The following VPS13D variants were observed in gnomAD, a reference collection of about 807,000 sequenced individuals.
VPS13D encodes vacuolar protein sorting 13 homolog D, also known as intermembrane lipid transfer protein VPS13D.
VPS13D carries 187 observed loss-of-function variants against 461.9 expected under a neutral mutation model. That is an observed-to-expected ratio of 0.40 (90% CI 0.36 to 0.46). The LOEUF (loss-of-function observed/expected upper bound fraction) is 0.46. Ranked by LOEUF, VPS13D falls within the 20% of genes least tolerant of loss-of-function variation. The pLI is 0.60. For missense variants in VPS13D, 4,711 were observed against 5,364.9 expected (o/e 0.88, Z 3.81); for synonymous variants, 1,951 against 1,986.3 (o/e 0.98, Z 0.47).
In VPS13D at chr1:12,244,583, C is replaced by T; in HGVS notation, c.413C>T (p.Ala138Val). The change falls in exon 5 of 70, where the codon GCC (alanine) becomes GTC (valine). Residue 138 changes from alanine (A) to valine (V), a missense_variant. Coordinates refer to ENST00000620676, the MANE Select transcript of VPS13D (RefSeq NM_015378.4). ...KGESYWYSVT[A>V]SVVTRIVENI... is the part of the protein sequence containing the mutation. Reference sequence around the variant, plus strand: ...GAGTCCTATTGGTATTCAGTTACCGCCTCCGTAGTTACAAGGATTGTGGAG... The same window carrying T: ...GAGTCCTATTGGTATTCAGTTACCGTCTCCGTAGTTACAAGGATTGTGGAG... 3.7e-6 allele frequency: 6 copies of T among 1,614,200 alleles called. No homozygotes were observed. Among genetic ancestry groups the T allele is most frequent in the Non-Finnish European group, 5.1e-6 (6 of 1,180,020 alleles).
intron 61 of VPS13D, 126 bp from the exon 62 acceptor site, chr1:12,401,482 T>G (rs1193654868): frequency 1.7e-6 from 1 of 588,236 alleles, no homozygotes; most frequent in Non-Finnish European, 2.9e-6. Context: ...CAGAAATAAT[T>G]TGGCATTATA....
chr1:12,355,273 C>T (rs933442077), intron 47 of VPS13D, among the ~76,000 whole-genome samples: 2 of 152,140 alleles, frequency 1.3e-5, no homozygotes, highest in East Asian at 1.9e-4. Flanking sequence ...TATAGAAGTA[C>T]GGAGTCCTCA....
chr1:12,410,303 G>A (rs113886265), intron 63 of VPS13D, among the ~76,000 whole-genome samples: 4 of 152,162 alleles, frequency 2.6e-5, no homozygotes, highest in East Asian at 3.8e-4. Flanking sequence ...ATTGGTTTTC[G>A]TTGAGACTGC....
At chr1:12,401,568 C>A in intron 61 of VPS13D, 40 bp from the exon 62 acceptor site, 1 of 1,496,634 alleles carries the variant, frequency 6.7e-7, no homozygotes, top group Non-Finnish European at 9.3e-7. Flanking sequence ...AATGTTCCTT[C>A]TGGTGTTCAC....
intron 67 of VPS13D, among the ~76,000 whole-genome samples, chr1:12,484,000 AAAAAAAAAAT>A (rs1645760831): frequency 6.6e-6 from 1 of 151,706 alleles, no homozygotes; most frequent in Admixed American, 6.6e-5. Context: ...CCCTCTCAAA[AAAAAAAAAAT>A]AAAAATAAGA....
In VPS13D at chr1:12,266,745, TTTTG is replaced by T. The variant is rs1038358971; in HGVS notation, c.1595-124_1595-121del. 25 of 859,964 alleles carry T rather than the reference TTTTG, an allele frequency of 2.9e-5. 1 individual carries two copies. The highest frequency in any genetic ancestry group is 1.0e-4 in the African/African-American group (6 of 57,890). 53.3% of individuals were successfully genotyped at this position (859,964 alleles called of 1,614,324 possible). On this transcript the variant is annotated intron_variant, in intron 13 of 69. Coordinates refer to ENST00000620676, the MANE Select transcript of VPS13D (RefSeq NM_015378.4). ...ATGTGCCTGTAGATAGATAGGGTTT[TTTTG>T]TTTGTTTGTTTAATTTCAAGGAAAA...
chr1:12,251,849 C>T (rs936109551), intron 6 of VPS13D, among the ~76,000 whole-genome samples: 1 of 152,138 alleles, frequency 6.6e-6, no homozygotes, highest in Non-Finnish European at 1.5e-5. Flanking sequence ...CCAGGGCAGC[C>T]CTAACACATT....
intron 53 of VPS13D, 65 bp from the exon 54 acceptor site, chr1:12,369,402 G>T: frequency 6.9e-7 from 1 of 1,454,570 alleles, no homozygotes; most frequent in South Asian, 1.2e-5. Flanking sequence ...ACAAAGCACT[G>T]ACTCACTTTT....
chr1:12,460,465 T>C (rs1645394839), intron 67 of VPS13D, 69 bp downstream of exon 67: 1 of 1,387,318 alleles, frequency 7.2e-7, no homozygotes, highest in Admixed American at 2.8e-5. Flanking sequence ...TAATCCATAC[T>C]GATGTGTTTA....
chr1:12,240,516 A>C (rs1195387359), intron 2 of VPS13D, among the ~76,000 whole-genome samples: 1 of 142,364 alleles, frequency 7.0e-6, no homozygotes, highest in Non-Finnish European at 1.5e-5. Flanking sequence ...AATCGCTTGA[A>C]CCCAGGAGGC....
chr1:12,311,979 CAT>C (rs1306870066), intron 29 of VPS13D, 54 bp downstream of exon 29: 89 of 1,424,314 alleles, frequency 6.2e-5, no homozygotes, highest in Middle Eastern at 3.8e-4. Context: ...AAATAATACA[CAT>C]GTTTTGCATT....
intron 25 of VPS13D, among the ~76,000 whole-genome samples, chr1:12,300,710 CA>C (rs973557424): frequency 7.2e-5 from 11 of 152,094 alleles, no homozygotes; most frequent in African/African-American, 2.7e-4. Flanking sequence ...TGAGAATAAA[CA>C]GTAAAAATGG....
At chr1:12,402,666 T>G (rs949249378) in intron 62 of VPS13D, 1 of 152,238 alleles carries the variant, frequency 6.6e-6, no homozygotes, top group Non-Finnish European at 1.5e-5. Context: ...CAGTGTTTAT[T>G]TGTATTCAGA....
In VPS13D at chr1:12,469,564, A is replaced by T. The variant is rs1039927605; in HGVS notation, c.12662+9168A>T. On this transcript the variant is annotated intron_variant, in intron 67 of 69. Coordinates refer to ENST00000620676, the MANE Select transcript of VPS13D (RefSeq NM_015378.4). ...GCTCTAGTTGAAAATACAGTGATTG[A>T]TAATCCATCATCTTGCTGATAAGTA... 5.3e-5 allele frequency among the ~76,000 whole-genome samples: 8 copies of T among 152,372 alleles called. No individual in the cohort carries two copies. In the East Asian group the frequency reaches 1.2e-3, roughly 22 times the overall value.
At chr1:12,449,574 G>C (rs1368046180) in intron 65 of VPS13D, among the ~76,000 whole-genome samples, 4 of 152,026 alleles carry the variant, frequency 2.6e-5, no homozygotes, top group Admixed American at 2.6e-4. Flanking sequence ...CAACATCAAG[G>C]CAAAACTCAC....
At chr1:12,491,183 G>C (rs75438352) in intron 67 of VPS13D, among the ~76,000 whole-genome samples, 3,459 of 152,262 alleles carry the variant, frequency 0.023, 140 homozygotes, top group African/African-American at 0.077. Context: ...CATACATAAA[G>C]TGAATGCAAG....
chr1:12,268,758 G>C lies in VPS13D; in HGVS notation c.1854G>C (p.Ala618=). 1 of 1,613,968 alleles carries C rather than the reference G, an allele frequency of 6.2e-7. No individual in the cohort carries two copies. Among genetic ancestry groups the C allele is most frequent in the Non-Finnish European group, 8.5e-7 (1 of 1,179,984 alleles). The change falls in exon 16 of 70, where the codon GCG becomes GCC. Residue 618 remains alanine (A), a synonymous_variant. Transcript: ENST00000620676. Reference sequence around the variant, plus strand: ...AGATGCTGTATGAGAGAAATCCGGCGCACAGCCACTTTGAGAGGCGGCTCA... The same window carrying C: ...AGATGCTGTATGAGAGAAATCCGGCCCACAGCCACTTTGAGAGGCGGCTCA... ...VFEMLYERNP[A]HSHFERRLNV... is the part of the protein sequence containing the mutation.
At chr1:12,346,692 A>G (rs779342983) in intron 44 of VPS13D, 40 bp downstream of exon 44, 20 of 1,560,958 alleles carry the variant, frequency 1.3e-5, no homozygotes, top group Admixed American at 1.7e-5. Flanking sequence ...TTTATTGCGT[A>G]TATACACTGC....
chr1:12,355,976 C>T lies in VPS13D; in HGVS notation c.9757C>T (p.Arg3253Ter), dbSNP rs2101602721. ...PGTQNYMVRM[R>*]LYDVNRRQLN... is the part of the protein sequence containing the mutation. ...AACCCAAAACTATATGGTGAGAATG[C>T]GACTCTATGACGTCAACCGTCGGCA... is the stretch of plus-strand genomic sequence containing the variant. Residue 3253 changes from arginine to a stop codon, truncating the protein, a stop_gained, in exon 48 of 70, where the codon CGA (arginine) becomes TGA (stop). Coordinates refer to ENST00000620676, the MANE Select transcript of VPS13D (RefSeq NM_015378.4). LOFTEE classifies it high-confidence loss of function. 1.2e-6 allele frequency: 2 copies of T among 1,613,414 alleles called. No individual in the cohort carries two copies. The highest frequency in any genetic ancestry group is 1.3e-5 in the African/African-American group (1 of 75,006).
Sources: gnomAD v4.1 joint callset for allele counts (sites outside exome capture counted in the v4.1 genomes callset) on GRCh38, gnomAD v4.1.1 for gene constraint, MANE v1.5 for transcripts, NCBI Gene and HGNC (gene_info 2026-07-23, HGNC 2026-07-21) for gene names.